Variants in CALD1 observed in about 807,000 individuals in gnomAD.
CALD1 encodes the protein caldesmon 1, also known as caldesmon.
Under a neutral mutation model 99.9 loss-of-function variants are expected in CALD1, and 33 were observed. The observed-to-expected ratio is 0.33, with a 90% CI of 0.25 to 0.44. The LOEUF is 0.44. CALD1 is among the 20% of genes least tolerant of loss of function. CALD1 has a pLI of 1.00. For missense variants in CALD1, 861 were observed against 962.1 expected (o/e 0.89, Z 1.39); for synonymous variants, 310 against 325.0 (o/e 0.95, Z 0.50).
chr7:134,865,585 A>T (rs2132308226), intron 2 of CALD1, among the ~76,000 whole-genome samples: 1 of 152,340 alleles, frequency 6.6e-6, no homozygotes, highest in East Asian at 1.9e-4. Context: ...CAAGTAAGCA[A>T]GAGAAGGTGA....
intron 1 of CALD1, among the ~76,000 whole-genome samples, chr7:134,749,910 C>A (rs10954468): frequency 0.67 from 101,038 of 151,932 alleles, 34,219 homozygotes; most frequent in East Asian, 0.99. Context: ...TGGCTCTTGA[C>A]TCGCTTTAGG....
At chr7:134,830,325 T>C (rs1234138184) in intron 1 of CALD1, among the ~76,000 whole-genome samples, 1 of 152,198 alleles carries the variant, frequency 6.6e-6, no homozygotes, top group African/African-American at 2.4e-5. Context: ...CAGTTGATTT[T>C]AATAATTTAA....
the CALD1 span, among the ~76,000 whole-genome samples, chr7:134,726,004 T>C: frequency 2.6e-5 from 4 of 152,278 alleles, no homozygotes; most frequent in East Asian, 7.7e-4. Flanking sequence ...ATAATAAATT[T>C]CTATTGTTTT....
At chr7:134,759,545 C>G (rs1318855388) in intron 1 of CALD1, among the ~76,000 whole-genome samples, 4 of 152,194 alleles carry the variant, frequency 2.6e-5, no homozygotes, top group Admixed American at 6.5e-5. Context: ...CAATGAAAAA[C>G]AGTTTAATCT....
At chr7:134,740,372 A>G (rs970436457), upstream of CALD1, among the ~76,000 whole-genome samples, 3 of 152,054 alleles carry the variant, frequency 2.0e-5, no homozygotes, top group Admixed American at 6.6e-5. Flanking sequence ...ATGCTGGGCC[A>G]AGACTAAAAA....
chr7:134,843,938 C>A lies in CALD1; in HGVS notation c.-75C>A, dbSNP rs1799749309. The A allele has an allele frequency of 6.6e-6, 1 of 152,104 alleles. No individual in the cohort carries two copies. Among genetic ancestry groups the A allele is most frequent in the Non-Finnish European group, 1.5e-5 (1 of 68,026 alleles). The allele number at this position is 152,104 out of a possible 1,614,324, so 9.4% of individuals were successfully genotyped here. On this transcript the variant is annotated 5_prime_UTR_variant, in exon 2 of 15. Coordinates refer to ENST00000361675, the MANE Select transcript of CALD1 (RefSeq NM_033138.4). ...ATCAAATTCCACAGGGATTGGTGAC[C>A]AACCAGAAGGCTCAGACATCTGATT...
chr7:134,876,179 T>A (rs1801340737), intron 3 of CALD1, among the ~76,000 whole-genome samples: 1 of 152,196 alleles, frequency 6.6e-6, no homozygotes, highest in Non-Finnish European at 1.5e-5. Flanking sequence ...AGTGGCATCA[T>A]GAACCTCCGT....
chr7:134,747,865 G>A (rs889966248), intron 1 of CALD1, among the ~76,000 whole-genome samples: 2 of 152,252 alleles, frequency 1.3e-5, no homozygotes, highest in Non-Finnish European at 2.9e-5. Flanking sequence ...GGAACCATGC[G>A]AGTGGGGACA....
intron 3 of CALD1, among the ~76,000 whole-genome samples, chr7:134,901,847 C>T: frequency 6.6e-6 from 1 of 152,048 alleles, no homozygotes; most frequent in East Asian, 1.9e-4. Flanking sequence ...GTGTTTGTGT[C>T]CAAAGGGCAC....
chr7:134,934,621 C>A (rs1027509022), intron 5 of CALD1, among the ~76,000 whole-genome samples: 4 of 152,182 alleles, frequency 2.6e-5, no homozygotes, highest in Admixed American at 2.6e-4. Context: ...CAGTGGCTCA[C>A]ACCTGTAATC....
chr7:134,788,193 T>C (rs1481950575), intron 1 of CALD1, among the ~76,000 whole-genome samples: 2 of 152,228 alleles, frequency 1.3e-5, no homozygotes, highest in Admixed American at 6.5e-5. Context: ...CTCAAAACTC[T>C]TCCTAATTAT....
chr7:134,943,705 AC>A (rs1389913697), intron 7 of CALD1, among the ~76,000 whole-genome samples: 1 of 152,248 alleles, frequency 6.6e-6, no homozygotes, highest in Non-Finnish European at 1.5e-5. Flanking sequence ...CCCAAAGATA[AC>A]TAGCAGTAAC....
chr7:134,758,407 C>A (rs1796747856), intron 1 of CALD1, among the ~76,000 whole-genome samples: 1 of 151,996 alleles, frequency 6.6e-6, no homozygotes, highest in Non-Finnish European at 1.5e-5. Flanking sequence ...ATGAAAAATT[C>A]ATGTACATTT....
At chr7:134,826,005 T>G (rs574034889) in intron 1 of CALD1, among the ~76,000 whole-genome samples, 53 of 152,250 alleles carry the variant, frequency 3.5e-4, no homozygotes, top group African/African-American at 9.4e-4. Flanking sequence ...TCAAGTATCA[T>G]TCCATCCTGT....
chr7:134,848,137 C>G (rs1034307098), intron 2 of CALD1, among the ~76,000 whole-genome samples: 6 of 150,962 alleles, frequency 4.0e-5, no homozygotes, highest in Non-Finnish European at 7.4e-5. Context: ...TCCTACTATT[C>G]TCTGTATCCC....
chr7:134,912,340 T>C (rs1375043827), intron 3 of CALD1, among the ~76,000 whole-genome samples: 2 of 152,242 alleles, frequency 1.3e-5, no homozygotes, highest in Non-Finnish European at 2.9e-5. Context: ...GATTTACCAG[T>C]GGTAAACCTT....
At chr7:134,913,196 G>A (rs1373355576) in intron 3 of CALD1, among the ~76,000 whole-genome samples, 2 of 152,100 alleles carry the variant, frequency 1.3e-5, no homozygotes, top group South Asian at 2.1e-4. Context: ...AACCAGGGAC[G>A]TGGAGGTTGC....
At chr7:134,750,965 A>C (rs1796680937) in intron 1 of CALD1, among the ~76,000 whole-genome samples, 1 of 152,160 alleles carries the variant, frequency 6.6e-6, no homozygotes, top group South Asian at 2.1e-4. Flanking sequence ...GGAATATGGC[A>C]TGCTTCTCCA....
intron 1 of CALD1, among the ~76,000 whole-genome samples, chr7:134,806,956 A>C (rs1169730663): frequency 1.3e-5 from 2 of 152,094 alleles, no homozygotes; most frequent in Non-Finnish European, 2.9e-5. Context: ...TTTTCCCCCA[A>C]ATTTCACCTA....
Sources: gnomAD v4.1 joint callset for allele counts (sites outside exome capture counted in the v4.1 genomes callset) on GRCh38, gnomAD v4.1.1 for gene constraint, MANE v1.5 for transcripts, NCBI Gene and HGNC (gene_info 2026-07-23, HGNC 2026-07-21) for gene names.